Variants in HS2ST1 observed in about 807,000 individuals in gnomAD.
HS2ST1 encodes heparan sulfate 2-O-sulfotransferase 1, also known as 2-O-sulfotransferase.
A neutral mutation model predicts 42.9 loss-of-function variants in HS2ST1; 18 were observed. That is an observed-to-expected ratio of 0.42 (90% CI 0.29 to 0.62). The LOEUF (loss-of-function observed/expected upper bound fraction) is 0.62. HS2ST1 is among the 20% of genes least tolerant of loss of function. HS2ST1 has a pLI of 0.21. For missense variants in HS2ST1, 334 were observed against 433.8 expected (o/e 0.77, Z 2.04); for synonymous variants, 146 against 152.9 (o/e 0.95, Z 0.33).
chr1:87,039,963 C>A (rs1407598126), intron 1 of HS2ST1, among the ~76,000 whole-genome samples: 1 of 151,992 alleles, frequency 6.6e-6, no homozygotes, highest in Non-Finnish European at 1.5e-5. Context: ...TTTAAAATCC[C>A]ATTGTAGGCT....
At position 86,994,143 on chromosome 1, in the gene HS2ST1, G is replaced by A. The variant is rs145857289; in HGVS notation, c.125-78791G>A. On this transcript the variant is annotated intron_variant, in intron 1 of 6. Transcript: ENST00000370550. ...CCATGTGAATTATATTACCTATGAA[G>A]CATCATTGTACATTTATGTAAATTC... Among the ~76,000 whole-genome samples, 701 of 152,164 alleles carry A rather than the reference G, an allele frequency of 4.6e-3. 4 individuals carry two copies. Among genetic ancestry groups the A allele is most frequent in the Middle Eastern group, 0.02 (6 of 294 alleles).
chr1:86,989,013 G>C (rs1418409170), intron 1 of HS2ST1, among the ~76,000 whole-genome samples: 1 of 152,236 alleles, frequency 6.6e-6, no homozygotes, highest in African/African-American at 2.4e-5. Flanking sequence ...TTCTGGGCAT[G>C]TGATCTTAAT....
intron 1 of HS2ST1, among the ~76,000 whole-genome samples, chr1:86,987,065 C>T (rs911474627): frequency 1.7e-5 from 2 of 116,676 alleles, no homozygotes; most frequent in Non-Finnish European, 3.4e-5. Context: ...TTGTGATAGC[C>T]AGGTTTTTTT....
At chr1:86,934,768 A>G (rs1660608557) in intron 1 of HS2ST1, 5 of 152,200 alleles carry the variant, frequency 3.3e-5, no homozygotes, top group Admixed American at 2.6e-4. Context: ...TCTACTAAAA[A>G]TACAAAAAAA....
intron 1 of HS2ST1, among the ~76,000 whole-genome samples, chr1:86,940,648 A>G (rs1660742078): frequency 6.6e-6 from 1 of 152,192 alleles, no homozygotes; most frequent in Admixed American, 6.5e-5. Context: ...TGGATATGGG[A>G]AAATTAATTA....
chr1:87,008,333 A>G (rs1263516591), intron 1 of HS2ST1, among the ~76,000 whole-genome samples: 1 of 152,214 alleles, frequency 6.6e-6, no homozygotes, highest in Non-Finnish European at 1.5e-5. Flanking sequence ...AATGTATAAC[A>G]TATACCATCA....
chr1:87,046,088 T>C, intron 1 of HS2ST1: 1 of 666,128 alleles, frequency 1.5e-6, no homozygotes, highest in Non-Finnish European at 2.9e-6. Context: ...ACCCTGACTA[T>C]AATGTGGCAT....
intron 1 of HS2ST1, among the ~76,000 whole-genome samples, chr1:87,069,691 A>G (rs1651350885): frequency 6.6e-6 from 1 of 152,210 alleles, no homozygotes; most frequent in South Asian, 2.1e-4. Context: ...AAGCAAAGTA[A>G]AAACACTTGA....
At chr1:87,063,486 A>ACCAC (rs985165001) in intron 1 of HS2ST1, among the ~76,000 whole-genome samples, 8 of 152,012 alleles carry the variant, frequency 5.3e-5, no homozygotes, top group Non-Finnish European at 1.0e-4. Flanking sequence ...ACAGGCATGC[A>ACCAC]CCACCACGCC....
intron 2 of HS2ST1, among the ~76,000 whole-genome samples, chr1:87,079,409 A>T (rs541031545): frequency 1.3e-5 from 2 of 152,294 alleles, no homozygotes; most frequent in Non-Finnish European, 2.9e-5. Context: ...AAGTGCTAGG[A>T]TTATAGGCGT....
chr1:87,094,744 G>A (rs960773391), intron 4 of HS2ST1, among the ~76,000 whole-genome samples: 4 of 152,064 alleles, frequency 2.6e-5, no homozygotes, highest in Non-Finnish European at 5.9e-5. Flanking sequence ...AAAGTTTTAG[G>A]TAGATAGGCC....
intron 1 of HS2ST1, among the ~76,000 whole-genome samples, chr1:87,063,641 T>C (rs1303042101): frequency 6.6e-6 from 1 of 152,284 alleles, no homozygotes; most frequent in Admixed American, 6.5e-5. Flanking sequence ...GGCCTGGTTC[T>C]TTTTTTGTAT....
In HS2ST1 at chr1:87,108,117, A is replaced by C. The variant is rs41313379; in HGVS notation, c.*3421A>C. On this transcript the variant is annotated 3_prime_UTR_variant, in exon 7 of 7. Transcript: ENST00000370550. ...AAACAATATTTTGATATTGCAGATG[A>C]CTTGCTTACTGTATTTGCATTGTTA... 1 of 152,214 alleles carries C rather than the reference A, an allele frequency of 6.6e-6. No individual in the cohort carries two copies. Among genetic ancestry groups the C allele is most frequent in the Non-Finnish European group, 1.5e-5 (1 of 67,946 alleles). 9.4% of individuals were successfully genotyped at this position (152,214 alleles called of 1,614,324 possible). A position where few individuals can be genotyped will look rare whatever the true frequency, so the allele number is the denominator to read the frequency against.
chr1:87,032,020 T>TAATTATTA (rs1482550623), intron 1 of HS2ST1, among the ~76,000 whole-genome samples: 1 of 152,216 alleles, frequency 6.6e-6, no homozygotes, highest in Non-Finnish European at 1.5e-5. Flanking sequence ...TACACATGGC[T>TAATTATTA]AATTATTAAA....
intron 1 of HS2ST1, among the ~76,000 whole-genome samples, chr1:87,072,396 T>C (rs1031465025): frequency 1.3e-5 from 2 of 152,214 alleles, no homozygotes; most frequent in Non-Finnish European, 2.9e-5. Flanking sequence ...AACCAGAGAA[T>C]AACTAAATCG....
intron 1 of HS2ST1, among the ~76,000 whole-genome samples, chr1:87,002,743 C>T (rs539163535): frequency 4.6e-5 from 7 of 152,188 alleles, no homozygotes; most frequent in South Asian, 2.1e-4. Context: ...TTTTCCCCCC[C>T]GCTGACTACC....
chr1:87,024,830 T>G (rs1190237583), intron 1 of HS2ST1, among the ~76,000 whole-genome samples: 1 of 152,212 alleles, frequency 6.6e-6, no homozygotes, highest in African/African-American at 2.4e-5. Context: ...TTTTACCTAT[T>G]TTAAGTAAGA....
At chr1:87,090,127 GCTGTTGCCTCCTTACTTTCTTACTA>G (rs1363219454) in intron 3 of HS2ST1, among the ~76,000 whole-genome samples, 1 of 151,996 alleles carries the variant, frequency 6.6e-6, no homozygotes, top group Non-Finnish European at 1.5e-5. Flanking sequence ...GCAATATATT[GCTGTTGCCTCCTTACTTTCTTACTA>G]CTCAGTGTAC....
At chr1:86,966,592 A>C (rs1213791022) in intron 1 of HS2ST1, among the ~76,000 whole-genome samples, 2 of 152,224 alleles carry the variant, frequency 1.3e-5, no homozygotes, top group African/African-American at 4.8e-5. Context: ...GTTTGTTAGT[A>C]GATACAATTT....
Sources: allele counts gnomAD v4.1 joint callset (sites outside exome capture counted in the v4.1 genomes callset), GRCh38; gene constraint gnomAD v4.1.1; transcripts MANE v1.5; gene names NCBI Gene and HGNC (gene_info 2026-07-23, HGNC 2026-07-21).